PRKAG2: variants seen among roughly 807,000 people sequenced by gnomAD.
The protein encoded by PRKAG2 is protein kinase AMP-activated non-catalytic subunit gamma 2, also known as 5'-AMP-activated protein kinase subunit gamma-2.
PRKAG2 carries 26 observed loss-of-function variants against 69.6 expected under a neutral mutation model. That is an observed-to-expected ratio of 0.37 (90% CI 0.27 to 0.52). The LOEUF (loss-of-function observed/expected upper bound fraction) is 0.52, where lower values mean the gene tolerates loss of function less well. Among genes scored for constraint, PRKAG2 ranks in the 20% least tolerant of loss-of-function variants. PRKAG2 has a pLI of 0.90. For missense variants in PRKAG2, 557 were observed against 740.0 expected (o/e 0.75, Z 2.87); for synonymous variants, 293 against 285.0 (o/e 1.03, Z -0.28).
intron 1 of PRKAG2, among the ~76,000 whole-genome samples, chr7:151,866,840 T>C (rs1448952400): frequency 2.0e-5 from 3 of 151,950 alleles, no homozygotes; most frequent in Non-Finnish European, 2.9e-5. Flanking sequence ...GTGACAGAGC[T>C]GTCCTCCCAC....
intron 1 of PRKAG2, among the ~76,000 whole-genome samples, chr7:151,827,745 T>TGAAAAAA (rs1367495239): frequency 1.9e-5 from 1 of 52,248 alleles, no homozygotes; most frequent in Non-Finnish European, 3.3e-5. Flanking sequence ...TGGCCTTAGG[T>TGAAAAAA]AAAAAAAAAA....
intron 1 of PRKAG2, among the ~76,000 whole-genome samples, chr7:151,872,376 T>C (rs1270136752): frequency 6.6e-6 from 1 of 152,228 alleles, no homozygotes; most frequent in African/African-American, 2.4e-5. Flanking sequence ...TCCAGGCTGA[T>C]TCCCATGGAA....
chr7:151,688,171 C>T (rs760359970), intron 3 of PRKAG2, among the ~76,000 whole-genome samples: 5 of 151,970 alleles, frequency 3.3e-5, no homozygotes, highest in Non-Finnish European at 5.9e-5. Context: ...GCCAGGGTGC[C>T]CAGTGAGCAG....
rs984041895 is a variant in PRKAG2 at position 151,714,324 on chromosome 7, G to A, written c.467-38687C>T. Among the ~76,000 whole-genome samples, 10 of 152,212 alleles carry A rather than the reference G, an allele frequency of 6.6e-5. No individual in the cohort carries two copies. The East Asian group carries it at 9.7e-4, about 15-fold the overall frequency. ...AGGCGGCAGGGCTTCCGAGAGAGCC[G>A]TCCTCCCATCCCAGCCCTGCCATCC... is the stretch of plus-strand genomic sequence containing the variant. On this transcript the variant is annotated intron_variant, in intron 3 of 15. Coordinates refer to ENST00000287878, the MANE Select transcript of PRKAG2 (RefSeq NM_016203.4).
At chr7:151,782,361 G>GA (rs2076744505) in intron 2 of PRKAG2, among the ~76,000 whole-genome samples, 2 of 34,122 alleles carry the variant, frequency 5.9e-5, no homozygotes, top group African/African-American at 7.6e-5. Flanking sequence ...GGGAGGGAGG[G>GA]AGGGAGGGAG....
chr7:151,791,480 C>G (rs1472110488), intron 1 of PRKAG2, among the ~76,000 whole-genome samples: 1 of 152,228 alleles, frequency 6.6e-6, no homozygotes, highest in Non-Finnish European at 1.5e-5. Flanking sequence ...CCTCACAGGA[C>G]TGGGAGGACA....
intron 10 of PRKAG2, among the ~76,000 whole-genome samples, chr7:151,569,479 G>A (rs557208143): frequency 6.6e-6 from 1 of 152,250 alleles, no homozygotes; most frequent in Non-Finnish European, 1.5e-5. Context: ...TGGTGAGTGG[G>A]CAAACTGGCT....
intron 3 of PRKAG2, among the ~76,000 whole-genome samples, chr7:151,770,673 G>A (rs537003520): frequency 6.6e-6 from 1 of 152,306 alleles, no homozygotes; most frequent in South Asian, 2.1e-4. Flanking sequence ...CTGAGGTCTC[G>A]CAGGTTTTCT....
chr7:151,721,751 G>A (rs543371601), intron 3 of PRKAG2, among the ~76,000 whole-genome samples: 3 of 152,292 alleles, frequency 2.0e-5, no homozygotes, highest in South Asian at 2.1e-4. Context: ...TCAGGCCAAC[G>A]TCCCATCAAG....
At chr7:151,818,922 T>C (rs1051869010) in intron 1 of PRKAG2, among the ~76,000 whole-genome samples, 1 of 152,370 alleles carries the variant, frequency 6.6e-6, no homozygotes, top group East Asian at 1.9e-4. Flanking sequence ...CTGTGCAATA[T>C]GCCAGGTCCT....
At chr7:151,628,137 G>T (rs545817967) in intron 5 of PRKAG2, among the ~76,000 whole-genome samples, 70 of 152,346 alleles carry the variant, frequency 4.6e-4, no homozygotes, top group African/African-American at 1.7e-3. Context: ...ACTTGAAAGA[G>T]CCCAGCTCCT....
chr7:151,856,551 A>C (rs774094068), intron 1 of PRKAG2, among the ~76,000 whole-genome samples: 83 of 152,250 alleles, frequency 5.5e-4, no homozygotes, highest in Non-Finnish European at 5.9e-4. Flanking sequence ...TTAGGCAAAC[A>C]ACTCATTCTA....
In PRKAG2 at chr7:151,835,330, A is replaced by G. The variant is rs968996509; in HGVS notation, c.114+41177T>C. Among the ~76,000 whole-genome samples the G allele has an allele frequency of 1.3e-5, 2 of 151,976 alleles. No individual in the cohort carries two copies. Among genetic ancestry groups the G allele is most frequent in the African/African-American group, 4.8e-5 (2 of 41,380 alleles). ...ACCTCCTGGGCTCAAGTGATCCTCC[A>G]GGTAATATTTTTATTTTTTATTATT... On this transcript the variant is annotated intron_variant, in intron 1 of 15. Coordinates refer to ENST00000287878, the MANE Select transcript of PRKAG2 (RefSeq NM_016203.4). The surrounding 1 kb of genome is among the most constrained non-coding windows in gnomAD (Gnocchi z 4.1).
At chr7:151,589,378 G>A (rs377386213) in intron 6 of PRKAG2, among the ~76,000 whole-genome samples, 1 of 152,190 alleles carries the variant, frequency 6.6e-6, no homozygotes, top group African/African-American at 2.4e-5. Flanking sequence ...CAGCATCATG[G>A]TGAAACATGG....
Position 151,831,914 on chromosome 7 carries a change from G to A in PRKAG2, c.114+44593C>T, listed in dbSNP as rs189350353. On this transcript the variant is annotated intron_variant, in intron 1 of 15. Transcript: ENST00000287878. ...GAGGACACTTCCCCAGAACCGAGAC[G>A]GGAGAGAGGGGCCAGATCTCAGAGC... Among the ~76,000 whole-genome samples the A allele has an allele frequency of 5.2e-3, 791 of 152,246 alleles. 8 individuals are homozygous for A. The highest frequency in any genetic ancestry group is 0.018 in the African/African-American group (758 of 41,550).
intron 1 of PRKAG2, among the ~76,000 whole-genome samples, chr7:151,819,128 GGCCC>G (rs1319034879): frequency 6.6e-6 from 1 of 152,166 alleles, no homozygotes; most frequent in African/African-American, 2.4e-5. Context: ...GAATCTGGCC[GGCCC>G]GCAGCCCACC....
In PRKAG2 at chr7:151,674,976, C is replaced by T. The variant is rs551172972; in HGVS notation, c.684+444G>A. 919 of 272,038 alleles carry T rather than the reference C, an allele frequency of 3.4e-3. 4 individuals are homozygous for T. Among genetic ancestry groups the T allele is most frequent in the Non-Finnish European group, 5.3e-3 (729 of 138,468 alleles). The allele number at this position is 272,038 out of a possible 1,614,324, so 16.9% of individuals were successfully genotyped here. A position where few individuals can be genotyped will look rare whatever the true frequency, so the allele number is the denominator to read the frequency against. ...GCTCTGTTACATAGGGGCTGGAGTG[C>T]GGTGTCATGATCTCAGCTCACTGCA... is the stretch of plus-strand genomic sequence containing the variant. On this transcript the variant is annotated intron_variant, in intron 4 of 15. Coordinates refer to ENST00000287878, the MANE Select transcript of PRKAG2 (RefSeq NM_016203.4).
At chr7:151,636,014 AATTTTTTGT>A (rs1825676603) in intron 4 of PRKAG2, among the ~76,000 whole-genome samples, 3 of 146,894 alleles carry the variant, frequency 2.0e-5, no homozygotes, top group African/African-American at 5.1e-5. Flanking sequence ...ACTACAGGCT[AATTTTTTGT>A]ATTTTTTTTA....
intron 1 of PRKAG2, among the ~76,000 whole-genome samples, chr7:151,817,210 G>C (rs530163173): frequency 6.6e-6 from 1 of 152,208 alleles, no homozygotes; most frequent in African/African-American, 2.4e-5. Flanking sequence ...TTGAACAACA[G>C]AGCCTAGTAG....
Sources: gnomAD v4.1 joint callset for allele counts (sites outside exome capture counted in the v4.1 genomes callset) on GRCh38, gnomAD v4.1.1 for gene constraint, Gnocchi (gnomAD v3.1) non-coding constraint, MANE v1.5 for transcripts, NCBI Gene and HGNC (gene_info 2026-07-23, HGNC 2026-07-21) for gene names.